VIT: variants seen among roughly 807,000 people sequenced by gnomAD.
VIT encodes the protein vitrin.
A neutral mutation model predicts 78.0 loss-of-function variants in VIT; 99 were observed. That is an observed-to-expected ratio of 1.27 (90% CI 1.08 to 1.50). The LOEUF is 1.50. Among genes scored for constraint, VIT ranks in the 40% most tolerant of loss-of-function variants. The probability of loss-of-function intolerance (pLI) is 0.00; values close to 1 mark genes in which losing one functional copy is unlikely to be tolerated. For synonymous variants in VIT, 374 were observed against 334.3 expected (o/e 1.12, Z -1.29); for missense variants, 1,126 against 875.3 (o/e 1.29, Z -3.61).
In VIT at chr2:36,783,655, A is replaced by T. The variant is rs1181274345; in HGVS notation, c.910+253A>T. ...CAGGGTGAAGAATGGGATGGAACGG[A>T]AAGACAAGGAAGGATGAAAGGAGGA... On this transcript the variant is annotated intron_variant, in intron 11 of 15. Transcript: ENST00000379242. 1.3e-5 allele frequency among the ~76,000 whole-genome samples: 2 copies of T among 152,226 alleles called. No homozygotes were observed. Among genetic ancestry groups the T allele is most frequent in the Non-Finnish European group, 2.9e-5 (2 of 68,038 alleles).
intron 1 of VIT, among the ~76,000 whole-genome samples, chr2:36,699,626 G>GTAGATAGATAGA (rs10530448): frequency 0.024 from 3,410 of 141,800 alleles, 58 homozygotes; most frequent in African/African-American, 0.031. Flanking sequence ...AGATATATAG[G>GTAGATAGATAGA]TAGATAGATA....
intron 3 of VIT, among the ~76,000 whole-genome samples, chr2:36,734,342 C>T (rs1229897435): frequency 1.3e-5 from 2 of 152,136 alleles, no homozygotes; most frequent in Non-Finnish European, 2.9e-5. Flanking sequence ...ACCCAGAAGT[C>T]TTAAGTGAAA....
intron 6 of VIT, among the ~76,000 whole-genome samples, chr2:36,761,058 A>T (rs1044394279): frequency 2.0e-5 from 3 of 152,020 alleles, no homozygotes; most frequent in Non-Finnish European, 4.4e-5. Context: ...TTTTACCATG[A>T]GTGGAAGAGC....
chr2:36,786,607 T>C (rs1458401205), intron 11 of VIT, among the ~76,000 whole-genome samples: 1 of 152,242 alleles, frequency 6.6e-6, no homozygotes, highest in Non-Finnish European at 1.5e-5. Context: ...ATTTCTTTGG[T>C]TCCCTCGCCC....
chr2:36,788,509 C>T (rs1360251606), intron 12 of VIT, among the ~76,000 whole-genome samples: 1 of 152,174 alleles, frequency 6.6e-6, no homozygotes, highest in African/African-American at 2.4e-5. Context: ...TAGTCACACT[C>T]AATTAGATAA....
intron 12 of VIT, 142 bp from the exon 13 acceptor site, chr2:36,801,159 C>G: frequency 1.3e-6 from 1 of 764,414 alleles, no homozygotes; most frequent in South Asian, 1.7e-5. Flanking sequence ...CACACCAGTC[C>G]ACAATGGGAC....
At chr2:36,788,412 T>G (rs1164564976) in intron 12 of VIT, among the ~76,000 whole-genome samples, 1 of 152,250 alleles carries the variant, frequency 6.6e-6, no homozygotes, top group Non-Finnish European at 1.5e-5. Flanking sequence ...ATTTGTGTTT[T>G]TAGAATTTAA....
At chr2:36,724,860 A>G (rs1255117033) in intron 2 of VIT, among the ~76,000 whole-genome samples, 1 of 152,232 alleles carries the variant, frequency 6.6e-6, no homozygotes, top group Non-Finnish European at 1.5e-5. Flanking sequence ...GTTTTCCACA[A>G]AAATTGAAAC....
chr2:36,735,642 G>A (rs1573184764), intron 3 of VIT, among the ~76,000 whole-genome samples: 2 of 152,212 alleles, frequency 1.3e-5, no homozygotes, highest in Non-Finnish European at 1.5e-5. Flanking sequence ...ACCCCAAGGT[G>A]CATCACACCA....
intron 6 of VIT, among the ~76,000 whole-genome samples, chr2:36,763,165 T>C (rs528538874): frequency 2.5e-4 from 38 of 152,338 alleles, no homozygotes; most frequent in Non-Finnish European, 5.0e-4. Flanking sequence ...CAAATGAGAA[T>C]TCCACGGCCC....
At position 36,728,823 on chromosome 2, in the gene VIT, A is replaced by T. The variant is rs1169282774; in HGVS notation, c.53-603A>T. Among the ~76,000 whole-genome samples the T allele has an allele frequency of 2.9e-5, 4 of 135,768 alleles. 2 individuals carry two copies. The allele number at this position is 135,768 out of a possible 152,430, so 89.1% of individuals were successfully genotyped here. A position where few individuals can be genotyped will look rare whatever the true frequency, so the allele number is the denominator to read the frequency against. The stretch of plus-strand genomic sequence containing the variant: ...GCAAGACTCCGTCTCAAAAAAAAAA[A>T]AAAAAAGAAAAAAGAAAAAATATTT... On this transcript the variant is annotated intron_variant, in intron 2 of 15. Coordinates refer to ENST00000379242, the MANE Select transcript of VIT (RefSeq NM_053276.4).
chr2:36,775,316 C>T (rs1669988114), intron 9 of VIT, among the ~76,000 whole-genome samples: 1 of 152,172 alleles, frequency 6.6e-6, no homozygotes. Context: ...TTTATGTCTC[C>T]TCAAGAGGTT....
intron 15 of VIT, among the ~76,000 whole-genome samples, chr2:36,812,865 T>C (rs1329580143): frequency 2.1e-5 from 3 of 146,040 alleles, no homozygotes; most frequent in Non-Finnish European, 4.5e-5. Flanking sequence ...CTTCTTCTTT[T>C]TTTTTTTTTT....
chr2:36,723,267 G>T (rs1666626451), intron 2 of VIT, among the ~76,000 whole-genome samples: 1 of 152,076 alleles, frequency 6.6e-6, no homozygotes, highest in South Asian at 2.1e-4. Flanking sequence ...TAGAAATAAT[G>T]CTCTAATGAG....
At position 36,784,869 on chromosome 2, in the gene VIT, G is replaced by T. The variant is rs140086911; in HGVS notation, c.910+1467G>T. On this transcript the variant is annotated intron_variant, in intron 11 of 15. Transcript: ENST00000379242. ...AAGTCATGGGTCTCAGTCAAAACAT[G>T]CCCTGAGCTGGAACCATTGTCATTT... is the stretch of plus-strand genomic sequence containing the variant. Among the ~76,000 whole-genome samples, 610 of 152,298 alleles carry T rather than the reference G, an allele frequency of 4.0e-3. 8 individuals carry two copies. The highest frequency in any genetic ancestry group is 0.014 in the African/African-American group (591 of 41,550).
intron 2 of VIT, among the ~76,000 whole-genome samples, chr2:36,719,480 A>G (rs1204287040): frequency 1.3e-5 from 2 of 152,238 alleles, no homozygotes; most frequent in Admixed American, 1.3e-4. Context: ...GAATTCAGTA[A>G]AGTTATAGAA....
chr2:36,805,951 G>A (rs1666692688), intron 14 of VIT, among the ~76,000 whole-genome samples: 1 of 151,986 alleles, frequency 6.6e-6, no homozygotes, highest in Non-Finnish European at 1.5e-5. Flanking sequence ...GGCAGCCCAA[G>A]GAGCCTTTAC....
At chr2:36,714,439 G>T (rs1277754923) in intron 1 of VIT, among the ~76,000 whole-genome samples, 3 of 151,800 alleles carry the variant, frequency 2.0e-5, no homozygotes, top group African/African-American at 7.3e-5. Context: ...TGCAGATCAG[G>T]GCTTTTATCT....
At chr2:36,768,480 C>G (rs1418458431) in intron 7 of VIT, among the ~76,000 whole-genome samples, 1 of 152,174 alleles carries the variant, frequency 6.6e-6, no homozygotes, top group Non-Finnish European at 1.5e-5. Context: ...ATATGCTAGC[C>G]CATCTTCTGA....
Sources: allele counts gnomAD v4.1 joint callset (sites outside exome capture counted in the v4.1 genomes callset), GRCh38; gene constraint gnomAD v4.1.1; transcripts MANE v1.5; gene names NCBI Gene and HGNC (gene_info 2026-07-23, HGNC 2026-07-21).